SNX31: variants seen among roughly 807,000 people sequenced by gnomAD.
SNX31 encodes the protein sorting nexin-31.
Under a neutral mutation model 65.4 loss-of-function variants are expected in SNX31, and 58 were observed. The observed-to-expected ratio is 0.89, with a 90% CI of 0.72 to 1.10. The LOEUF (loss-of-function observed/expected upper bound fraction) is 1.10. Ranked by LOEUF, SNX31 falls within the 50% of genes least tolerant of loss-of-function variation. The pLI, the probability that SNX31 is intolerant of heterozygous loss-of-function variation, is 0.00. For missense variants in SNX31, 523 were observed against 529.7 expected (o/e 0.99, Z 0.12); for synonymous variants, 181 against 190.1 (o/e 0.95, Z 0.39).
chr8:100,583,972 G>A, intron 12 of SNX31, 139 bp downstream of exon 12: 1 of 630,458 alleles, frequency 1.6e-6, no homozygotes, highest in Non-Finnish European at 2.7e-6. Context: ...GGGAAGAGGA[G>A]CTCACTTCTG....
chr8:100,602,330 A>G (rs1412541553), intron 8 of SNX31, among the ~76,000 whole-genome samples: 2 of 152,234 alleles, frequency 1.3e-5, no homozygotes, highest in Admixed American at 1.3e-4. Context: ...CATGGGATTT[A>G]GAGAGGAGAA....
In SNX31 at chr8:100,626,066, A is replaced by C. The variant is rs2131150770; in HGVS notation, c.321+4261T>G. Among the ~76,000 whole-genome samples the C allele has an allele frequency of 6.6e-6, 1 of 152,266 alleles. No homozygotes were observed. The highest frequency in any genetic ancestry group is 1.9e-4 in the East Asian group (1 of 5,190). ...ACATGGAGAAACCCCATCTCTACTA[A>C]AATACAAAAATTAACTGGGTGTGGT... On this transcript the variant is annotated intron_variant, in intron 4 of 13. Coordinates refer to ENST00000311812, the MANE Select transcript of SNX31 (RefSeq NM_152628.4). The surrounding 1 kb of genome is among the most constrained non-coding windows in gnomAD (Gnocchi z 4.4).
At position 100,592,867 on chromosome 8, in the gene SNX31, A is replaced by T. The variant is rs569283266; in HGVS notation, c.978+3772T>A. Among the ~76,000 whole-genome samples, 20 of 152,344 alleles carry T rather than the reference A, an allele frequency of 1.3e-4. No individual in the cohort carries two copies. The South Asian group carries it at 2.1e-3, about 16-fold the overall frequency. On this transcript the variant is annotated intron_variant, in intron 10 of 13. Coordinates refer to ENST00000311812, the MANE Select transcript of SNX31 (RefSeq NM_152628.4). Reference sequence around the variant, plus strand: ...ATGCTAGGTAAAAAAGCTAGTCACAAGGATCACATATTATATGATTCCATT... The same window carrying T: ...ATGCTAGGTAAAAAAGCTAGTCACATGGATCACATATTATATGATTCCATT...
chr8:100,615,316 C>T (rs1817073756), intron 5 of SNX31, among the ~76,000 whole-genome samples: 1 of 152,094 alleles, frequency 6.6e-6, no homozygotes, highest in Non-Finnish European at 1.5e-5. Context: ...GAGATACTGC[C>T]CTACTCAGTA....
Position 100,577,060 on chromosome 8 carries a change from C to G in SNX31, c.1186G>C (p.Glu396Gln). The G allele has an allele frequency of 6.2e-7, 1 of 1,613,694 alleles. No homozygotes were observed. Among genetic ancestry groups the G allele is most frequent in the Admixed American group, 1.7e-5 (1 of 59,850 alleles). Reference sequence around the variant, plus strand: ...TGGTATTTTTTACTTTTGCTTTGTTCCGGAACTTCAATCTGCTAGATAGAT... The same window carrying G: ...TGGTATTTTTTACTTTTGCTTTGTTGCGGAACTTCAATCTGCTAGATAGAT... ...ENTEMQIEVP[E>Q]QSKSKKYHIQ... The change falls in exon 13 of 14, where the codon GAA (glutamate) becomes CAA (glutamine). Residue 396 changes from glutamate to glutamine, a missense_variant. Transcript: ENST00000311812.
chr8:100,615,996 G>A (rs148959412), intron 5 of SNX31, among the ~76,000 whole-genome samples: 2,061 of 152,100 alleles, frequency 0.014, 48 homozygotes, highest in African/African-American at 0.045. Context: ...GAATGGTCTC[G>A]ATCTCCTGAC....
chr8:100,579,927 A>T (rs1813350431), intron 12 of SNX31, among the ~76,000 whole-genome samples: 1 of 152,084 alleles, frequency 6.6e-6, no homozygotes, highest in Admixed American at 6.6e-5. Flanking sequence ...CGGGAGGCCA[A>T]GGCAGGCTGA....
intron 12 of SNX31, among the ~76,000 whole-genome samples, chr8:100,581,319 C>CTATATATATATA (rs1261112864): frequency 8.9e-5 from 11 of 123,046 alleles, no homozygotes; most frequent in African/African-American, 4.3e-4. Context: ...TTTTATATAT[C>CTATATATATATA]TATATCTATC....
chr8:100,591,695 G>A (rs1814605089), intron 10 of SNX31, among the ~76,000 whole-genome samples: 1 of 152,046 alleles, frequency 6.6e-6, no homozygotes, highest in Non-Finnish European at 1.5e-5. Context: ...GCTGGGCATA[G>A]GCACATGCTT....
At position 100,583,062 on chromosome 8, in the gene SNX31, A is replaced by G. The variant is rs1411596105; in HGVS notation, c.1170+1049T>C. Among the ~76,000 whole-genome samples the G allele has an allele frequency of 2.6e-5, 4 of 151,846 alleles. No homozygotes were observed. The East Asian group carries it at 7.7e-4, about 29-fold the overall frequency. ...TTAAAATATCAATATAATATTCTAC[A>G]AAAGAATTAAGTTTATGAATGTCAA... On this transcript the variant is annotated intron_variant, in intron 12 of 13. Transcript: ENST00000311812.
rs1277987929 is a variant in SNX31 at position 100,649,356 on chromosome 8, C to A, written c.67-8G>T. The stretch of plus-strand genomic sequence containing the variant: ...CAGGTGCACGGAGTACAGCTGCAAA[C>A]ACACAGACACCCCGTCCCTGGTGAG... On this transcript the variant is annotated splice_region_variant and splice_polypyrimidine_tract_variant and intron_variant, in intron 1 of 13. Coordinates refer to ENST00000311812, the MANE Select transcript of SNX31 (RefSeq NM_152628.4). The A allele has an allele frequency of 1.2e-6, 2 of 1,613,526 alleles. No homozygotes were observed. The highest frequency in any genetic ancestry group is 2.7e-5 in the African/African-American group (2 of 74,932).
rs145669778 is a variant in SNX31, at chr8:100,646,765, A to G, written c.141+2509T>C. On this transcript the variant is annotated intron_variant, in intron 2 of 13. Coordinates refer to ENST00000311812, the MANE Select transcript of SNX31 (RefSeq NM_152628.4). ...TACACTGAACCCATAAAGTTGGGGA[A>G]TTTTATTACATTACATGATTCCAAA... is the stretch of plus-strand genomic sequence containing the variant. Among the ~76,000 whole-genome samples the G allele has an allele frequency of 1.3e-3, 202 of 152,360 alleles. 1 individual carries two copies. The highest frequency in any genetic ancestry group is 4.8e-3 in the African/African-American group (198 of 41,586).
rs1404774747 is a variant in SNX31 at position 100,625,280 on chromosome 8, A to T, written c.321+5047T>A. Among the ~76,000 whole-genome samples the T allele has an allele frequency of 6.7e-6, 1 of 150,334 alleles. No homozygotes were observed. The highest frequency in any genetic ancestry group is 1.5e-5 in the Non-Finnish European group (1 of 67,674). ...TTGCTATTCTGCTCTGAGGCAGAGG[A>T]ACATTCTTAAGAATGTTTTCCATTT... is the stretch of plus-strand genomic sequence containing the variant. On this transcript the variant is annotated intron_variant, in intron 4 of 13. Coordinates refer to ENST00000311812, the MANE Select transcript of SNX31 (RefSeq NM_152628.4). This position sits in a 1 kb window ranked among gnomAD's most constrained non-coding sequence, Gnocchi z 4.2.
chr8:100,625,145 G>GA lies in SNX31; in HGVS notation c.321+5181dup, dbSNP rs923615489. ...TACTTATCTATAATGCAGCAGGAAT[G>GA]AAAAAATGCAATTCATACTAGAAAA... On this transcript the variant is annotated intron_variant, in intron 4 of 13. Transcript: ENST00000311812. This position sits in a 1 kb window ranked among gnomAD's most constrained non-coding sequence, Gnocchi z 4.2. Among the ~76,000 whole-genome samples, 2 of 151,896 alleles carry GA rather than the reference G, an allele frequency of 1.3e-5. No homozygotes were observed. Among genetic ancestry groups the GA allele is most frequent in the African/African-American group, 4.8e-5 (2 of 41,370 alleles).
chr8:100,615,360 T>C lies in SNX31; in HGVS notation c.432+2260A>G, dbSNP rs28379060. 5.9e-3 allele frequency among the ~76,000 whole-genome samples: 901 copies of C among 152,276 alleles called. 13 individuals are homozygous for C. Among genetic ancestry groups the C allele is most frequent in the African/African-American group, 0.021 (871 of 41,556 alleles). On this transcript the variant is annotated intron_variant, in intron 5 of 13. Coordinates refer to ENST00000311812, the MANE Select transcript of SNX31 (RefSeq NM_152628.4). ...GCACTCCCTCCAATATCAAGATCAA[T>C]ACCAATACCAATAATGATAAATAAA...
At chr8:100,605,683 A>G (rs139543250) in intron 8 of SNX31, among the ~76,000 whole-genome samples, 1 of 152,270 alleles carries the variant, frequency 6.6e-6, no homozygotes, top group East Asian at 1.9e-4. Context: ...TGAAACTGCA[A>G]TTCAGTGTGC....
At chr8:100,618,428 G>C in intron 4 of SNX31, 1 of 939,492 alleles carries the variant, frequency 1.1e-6, no homozygotes, top group Non-Finnish European at 1.6e-6. Flanking sequence ...TTTCCATGTA[G>C]CAACCAATTC....
chr8:100,641,565 A>AAAAAAAAT (rs1554587369), intron 2 of SNX31, among the ~76,000 whole-genome samples: 3 of 32,104 alleles, frequency 9.3e-5, no homozygotes, highest in Non-Finnish European at 1.6e-4. Flanking sequence ...AAAAAAAAAA[A>AAAAAAAAT]ATATATATAT....
chr8:100,651,464 C>CA (rs148380835), upstream of SNX31, among the ~76,000 whole-genome samples: 9,952 of 152,268 alleles, frequency 0.065, 450 homozygotes, highest in Non-Finnish European at 0.095. Flanking sequence ...CACCCCATGG[C>CA]ATGTCCAAAC....
Sources: allele counts gnomAD v4.1 joint callset (sites outside exome capture counted in the v4.1 genomes callset), GRCh38; gene constraint gnomAD v4.1.1; non-coding constraint Gnocchi (gnomAD v3.1); transcripts MANE v1.5; gene names NCBI Gene and HGNC (gene_info 2026-07-23, HGNC 2026-07-21).